Variants in NLGN4X observed in about 807,000 individuals in gnomAD.
The protein encoded by NLGN4X is neuroligin 4 X-linked.
A neutral mutation model predicts 40.3 loss-of-function variants in NLGN4X; 3 were observed. The ratio of observed to expected loss-of-function variants is 0.07; its 90% CI spans 0.03 to 0.19. The LOEUF (loss-of-function observed/expected upper bound fraction) is 0.19. Among genes scored for constraint, NLGN4X ranks in the 10% least tolerant of loss-of-function variants. The pLI, the probability that NLGN4X is intolerant of heterozygous loss-of-function variation, is 1.00. For synonymous variants in NLGN4X, 270 were observed against 306.8 expected, an observed-to-expected ratio of 0.88 and a Z score of 1.25; for missense variants, 382 against 708.3, an observed-to-expected ratio of 0.54 and a Z score of 5.23.
At chrX:5,926,789 T>TAC (rs3072083) in intron 3 of NLGN4X, among the ~76,000 whole-genome samples, 20,641 of 92,665 alleles carry the variant, frequency 0.22, 1,878 homozygotes, top group Admixed American at 0.27. Context: ...CTAGAGAGCA[T>TAC]ACACACACAC....
intron 1 of NLGN4X, among the ~76,000 whole-genome samples, chrX:6,184,085 T>A (rs1460325982): frequency 1.8e-5 from 2 of 112,440 alleles, no homozygotes; most frequent in Non-Finnish European, 1.9e-5. Flanking sequence ...TAACTAATTA[T>A]TATAAAAGGC....
At chrX:6,147,706 C>G (rs2040079496) in intron 2 of NLGN4X, among the ~76,000 whole-genome samples, 1 of 110,115 alleles carries the variant, frequency 9.1e-6, no homozygotes, top group Admixed American at 9.8e-5. Context: ...ACACACCATG[C>G]AGATTCGGTC....
chrX:6,171,896 A>G (rs1181918479), intron 1 of NLGN4X, among the ~76,000 whole-genome samples: 2 of 111,153 alleles, frequency 1.8e-5, no homozygotes, highest in African/African-American at 6.5e-5. Context: ...GGTACTGTAC[A>G]CACCCCTTGG....
At chrX:6,111,217 G>A (rs2039140964) in intron 2 of NLGN4X, among the ~76,000 whole-genome samples, 1 of 111,841 alleles carries the variant, frequency 8.9e-6, no homozygotes, top group African/African-American at 3.3e-5. Flanking sequence ...AGTCTGAATG[G>A]TAGTGTCCTC....
chrX:6,036,591 AACC>A (rs2037010417), intron 2 of NLGN4X, among the ~76,000 whole-genome samples: 2 of 93,139 alleles, frequency 2.1e-5, no homozygotes, highest in Non-Finnish European at 4.2e-5. Context: ...TTCAAGAATA[AACC>A]CAGCTTGTGG....
intron 1 of NLGN4X, among the ~76,000 whole-genome samples, chrX:6,211,524 G>C (rs1000138242): frequency 8.9e-6 from 1 of 111,850 alleles, no homozygotes; most frequent in South Asian, 3.7e-4. Flanking sequence ...AAATGGTATA[G>C]ATAGAGATAT....
At chrX:5,914,550 T>C (rs1252951417) in intron 3 of NLGN4X, among the ~76,000 whole-genome samples, 1 of 110,143 alleles carries the variant, frequency 9.1e-6, no homozygotes, top group African/African-American at 3.3e-5. Flanking sequence ...AAGTTAAATA[T>C]CTTTCACCAT....
intron 2 of NLGN4X, among the ~76,000 whole-genome samples, chrX:6,097,285 T>G (rs1050964387): frequency 1.8e-5 from 2 of 109,723 alleles, no homozygotes; most frequent in South Asian, 4.0e-4. Flanking sequence ...CTTTGAAATA[T>G]TCACACAGTG....
At chrX:6,131,372 T>G (rs1480806990) in intron 2 of NLGN4X, among the ~76,000 whole-genome samples, 2 of 111,890 alleles carry the variant, frequency 1.8e-5, no homozygotes, top group Non-Finnish European at 3.8e-5. Flanking sequence ...TTCTCACTTC[T>G]TTGGTGACTC....
chrX:6,067,881 C>CT (rs1258417418), intron 2 of NLGN4X, among the ~76,000 whole-genome samples: 1 of 111,380 alleles, frequency 9.0e-6, no homozygotes, highest in African/African-American at 3.3e-5. Context: ...AAGAAGCTGT[C>CT]TCTCAACTCC....
intron 3 of NLGN4X, among the ~76,000 whole-genome samples, chrX:5,916,167 T>C (rs1189752401): frequency 8.9e-6 from 1 of 112,233 alleles, no homozygotes; most frequent in Non-Finnish European, 1.9e-5. Flanking sequence ...ATTCTTTGAA[T>C]GCTTTCTATG....
At chrX:6,021,638 A>C (rs1040126700) in intron 3 of NLGN4X, among the ~76,000 whole-genome samples, 1 of 111,099 alleles carries the variant, frequency 9.0e-6, no homozygotes, top group African/African-American at 3.3e-5. Context: ...CAGCCACAAC[A>C]ACCATGGGAT....
intron 3 of NLGN4X, among the ~76,000 whole-genome samples, chrX:5,926,934 T>TATCTATCTA (rs1555921578): frequency 1.0e-5 from 1 of 96,869 alleles, no homozygotes; most frequent in African/African-American, 3.8e-5. Context: ...TCTCTATATC[T>TATCTATCTA]TCTATCTATC....
chrX:6,009,241 TGAGTATATACCCAGAGGTAGAATTG>T (rs1435810915), intron 3 of NLGN4X, among the ~76,000 whole-genome samples: 1 of 112,115 alleles, frequency 8.9e-6, no homozygotes, highest in Non-Finnish European at 1.9e-5. Flanking sequence ...TCAATTCTTT[TGAGTATATACCCAGAGGTAGAATTG>T]GAGTATATAC....
intron 3 of NLGN4X, among the ~76,000 whole-genome samples, chrX:5,979,771 C>A (rs1211674464): frequency 3.0e-5 from 3 of 98,393 alleles, no homozygotes; most frequent in Non-Finnish European, 5.8e-5. Context: ...TATATACACA[C>A]ATACATATAT....
intron 1 of NLGN4X, among the ~76,000 whole-genome samples, chrX:6,158,939 GC>G (rs1473137405): frequency 1.8e-5 from 2 of 111,709 alleles, no homozygotes; most frequent in African/African-American, 6.5e-5. Context: ...GGATAAATAA[GC>G]CCCAATTATA....
chrX:6,083,233 C>T (rs1157577892), intron 2 of NLGN4X, among the ~76,000 whole-genome samples: 9 of 109,194 alleles, frequency 8.2e-5, no homozygotes, highest in African/African-American at 2.7e-4. Flanking sequence ...GCTGGGATTA[C>T]AGGCGTGAGC....
chrX:6,053,420 G>T (rs1602140287), intron 2 of NLGN4X, among the ~76,000 whole-genome samples: 1 of 110,960 alleles, frequency 9.0e-6, no homozygotes, highest in East Asian at 2.9e-4. Flanking sequence ...GAGCATGCTG[G>T]CTCAGGGCAT....
intron 3 of NLGN4X, among the ~76,000 whole-genome samples, chrX:5,993,985 T>C (rs938929819): frequency 8.9e-6 from 1 of 111,842 alleles, no homozygotes; most frequent in African/African-American, 3.2e-5. Context: ...CAGAAGACAG[T>C]AGCATCAGAC....
Sources: gnomAD v4.1 joint callset for allele counts (sites outside exome capture counted in the v4.1 genomes callset) on GRCh38, gnomAD v4.1.1 for gene constraint, MANE v1.5 for transcripts, NCBI Gene and HGNC (gene_info 2026-07-23, HGNC 2026-07-21) for gene names.